The following MRPL48 variants were observed in gnomAD, a reference collection of about 807,000 sequenced individuals.
MRPL48 encodes mitochondrial ribosomal protein L48, also known as large ribosomal subunit protein mL48.
Under a neutral mutation model 32.9 loss-of-function variants are expected in MRPL48, and 16 were observed. That is an observed-to-expected ratio of 0.49 (90% CI 0.33 to 0.74). The LOEUF is 0.74. Among genes scored for constraint, MRPL48 ranks in the 30% least tolerant of loss-of-function variants. The pLI is 0.02. For missense variants in MRPL48, 206 were observed against 245.3 expected (o/e 0.84, Z 1.07); for synonymous variants, 94 against 89.2 (o/e 1.05, Z -0.31).
chr11:73,789,067 T>G (rs902093433), intron 1 of MRPL48, among the ~76,000 whole-genome samples: 2 of 152,226 alleles, frequency 1.3e-5, no homozygotes, highest in Non-Finnish European at 2.9e-5. Context: ...TGCCCTTGAA[T>G]GTGTGAGGGC....
chr11:73,844,687 C>G (rs1466686320), intron 4 of MRPL48, 120 bp from the exon 5 acceptor site: 1 of 1,185,612 alleles, frequency 8.4e-7, no homozygotes, highest in African/African-American at 1.6e-5. Flanking sequence ...GGTGGGGTAA[C>G]CTGAGAGCAA....
At chr11:73,822,494 T>A (rs1947800849) in intron 3 of MRPL48, among the ~76,000 whole-genome samples, 1 of 152,208 alleles carries the variant, frequency 6.6e-6, no homozygotes, top group African/African-American at 2.4e-5. Context: ...GTTATTGGCA[T>A]GTAATTGTAA....
intron 7 of MRPL48, 26 bp downstream of exon 7, chr11:73,863,287 C>T (rs748824144): frequency 1.1e-5 from 16 of 1,522,332 alleles, no homozygotes; most frequent in Non-Finnish European, 1.4e-5. Context: ...AGAAGAGGCC[C>T]CTGCTGGCCT....
chr11:73,800,551 T>C (rs1265654986), intron 1 of MRPL48, among the ~76,000 whole-genome samples: 2 of 152,166 alleles, frequency 1.3e-5, no homozygotes, highest in East Asian at 3.9e-4. Flanking sequence ...TGTTACCCAG[T>C]GCAGCATCTG....
chr11:73,836,921 T>C lies in MRPL48; in HGVS notation c.202-7886T>C, dbSNP rs145641543. ...CCATCTAAGTCTAGTGCACTTTATA[T>C]AGCATCAGGCCATGCCTCCTTGCTA... On this transcript the variant is annotated intron_variant, in intron 4 of 7. Coordinates refer to ENST00000310614, the MANE Select transcript of MRPL48 (RefSeq NM_016055.6). Among the ~76,000 whole-genome samples the C allele has an allele frequency of 2.0e-5, 3 of 152,324 alleles. No homozygotes were observed. In the East Asian group the frequency reaches 5.8e-4, roughly 29 times the overall value.
intron 3 of MRPL48, among the ~76,000 whole-genome samples, chr11:73,820,828 C>T (rs999840544): frequency 3.3e-5 from 5 of 152,082 alleles, no homozygotes; most frequent in African/African-American, 7.2e-5. Flanking sequence ...CCCCCACTAT[C>T]CCCCCTGGGG....
chr11:73,826,580 G>A (rs1331583219), intron 4 of MRPL48, among the ~76,000 whole-genome samples: 1 of 151,870 alleles, frequency 6.6e-6, no homozygotes, highest in African/African-American at 2.4e-5. Flanking sequence ...CCGGGTTCAA[G>A]CTGTTCTCAT....
At chr11:73,846,067 C>CAA (rs749259766) in intron 5 of MRPL48, among the ~76,000 whole-genome samples, 2,294 of 56,774 alleles carry the variant, frequency 0.04, 150 homozygotes, top group African/African-American at 0.13. Context: ...GACCCTGTCT[C>CAA]AAAAAAAAAA....
intron 1 of MRPL48, 118 bp downstream of exon 1, chr11:73,788,110 CTG>C (rs1947076374): frequency 2.1e-6 from 3 of 1,459,510 alleles, no homozygotes; most frequent in Non-Finnish European, 2.8e-6. Context: ...GGATGAGACA[CTG>C]GGGCGCCCAA....
chr11:73,822,359 A>C (rs533058761), intron 3 of MRPL48, among the ~76,000 whole-genome samples: 1 of 152,264 alleles, frequency 6.6e-6, no homozygotes, highest in African/African-American at 2.4e-5. Flanking sequence ...CGTGTCCATT[A>C]AAGTACTTAG....
At chr11:73,792,819 C>T (rs1472401848) in intron 1 of MRPL48, among the ~76,000 whole-genome samples, 1 of 152,206 alleles carries the variant, frequency 6.6e-6, no homozygotes, top group Non-Finnish European at 1.5e-5. Context: ...CCATTATCAT[C>T]ATTGTTACCA....
intron 3 of MRPL48, among the ~76,000 whole-genome samples, chr11:73,818,182 G>C (rs936671713): frequency 9.9e-5 from 15 of 152,140 alleles, no homozygotes; most frequent in Middle Eastern, 3.2e-3. Flanking sequence ...AGTAGGGAAA[G>C]TGCCCCATTC....
At chr11:73,803,406 C>G (rs1163360098) in intron 1 of MRPL48, among the ~76,000 whole-genome samples, 1 of 152,054 alleles carries the variant, frequency 6.6e-6, no homozygotes, top group Admixed American at 6.6e-5. Context: ...ATTGGGATTA[C>G]AGGCGTGAGC....
At position 73,845,962 on chromosome 11, in the gene MRPL48, C is replaced by T. The variant is rs1344651203; in HGVS notation, c.371+986C>T. ...GCACGCCTGTAGTCCCAGCTACTTGCGAGGCTGAGGCAGGAGAATCGCTTG... is the reference window on the plus strand; with the variant it reads ...GCACGCCTGTAGTCCCAGCTACTTGTGAGGCTGAGGCAGGAGAATCGCTTG... On this transcript the variant is annotated intron_variant, in intron 5 of 7. Coordinates refer to ENST00000310614, the MANE Select transcript of MRPL48 (RefSeq NM_016055.6). Among the ~76,000 whole-genome samples the T allele has an allele frequency of 2.7e-5, 4 of 147,002 alleles. No individual in the cohort carries two copies. In the East Asian group the frequency reaches 6.3e-4, roughly 23 times the overall value.
At chr11:73,807,947 G>A (rs949816015) in intron 2 of MRPL48, among the ~76,000 whole-genome samples, 3 of 151,944 alleles carry the variant, frequency 2.0e-5, no homozygotes, top group Admixed American at 6.6e-5. Context: ...CCACTTCTTC[G>A]TTTTTTAAAA....
intron 1 of MRPL48, among the ~76,000 whole-genome samples, chr11:73,797,199 A>G (rs1278868410): frequency 6.6e-6 from 1 of 152,188 alleles, no homozygotes; most frequent in East Asian, 1.9e-4. Flanking sequence ...CTGCCTGCAG[A>G]GAGGAGCTGC....
At chr11:73,849,433 C>G (rs1237806622) in intron 5 of MRPL48, among the ~76,000 whole-genome samples, 4 of 152,154 alleles carry the variant, frequency 2.6e-5, no homozygotes, top group Non-Finnish European at 5.9e-5. Context: ...CACTGCGCCC[C>G]GTGGCAACTT....
intron 4 of MRPL48, chr11:73,843,449 C>T (rs1349296748): frequency 6.6e-6 from 1 of 152,046 alleles, no homozygotes; most frequent in Non-Finnish European, 1.5e-5. Flanking sequence ...TGGTCTTGAA[C>T]TCCTGACCTC....
At chr11:73,811,848 A>G (rs531874167) in intron 3 of MRPL48, among the ~76,000 whole-genome samples, 20 of 152,320 alleles carry the variant, frequency 1.3e-4, no homozygotes, top group African/African-American at 3.8e-4. Flanking sequence ...CTTAAACTGT[A>G]CAAAAGTGTA....
Sources: gnomAD v4.1 joint callset for allele counts (sites outside exome capture counted in the v4.1 genomes callset) on GRCh38, gnomAD v4.1.1 for gene constraint, MANE v1.5 for transcripts, NCBI Gene and HGNC (gene_info 2026-07-23, HGNC 2026-07-21) for gene names.